Variants in WDR64 observed in about 807,000 individuals in gnomAD.
The protein encoded by WDR64 is WD repeat-containing protein 64.
Under a neutral mutation model 139.3 loss-of-function variants are expected in WDR64, and 112 were observed. The observed-to-expected ratio is 0.80, with a 90% CI of 0.69 to 0.94. The LOEUF (loss-of-function observed/expected upper bound fraction) is 0.94. Among genes scored for constraint, WDR64 ranks in the 40% least tolerant of loss-of-function variants. The pLI is 0.00. For synonymous variants in WDR64, 444 were observed against 437.7 expected (o/e 1.01, Z -0.18); for missense variants, 1,206 against 1,293.1 (o/e 0.93, Z 1.03).
At chr1:241,702,952 T>C in intron 8 of WDR64, among the ~76,000 whole-genome samples, 1 of 152,144 alleles carries the variant, frequency 6.6e-6, no homozygotes, top group Non-Finnish European at 1.5e-5. Context: ...ATTTTGCCAA[T>C]GTCTGATGTA....
chr1:241,788,822 G>A (rs906782702), intron 24 of WDR64, among the ~76,000 whole-genome samples: 2 of 152,172 alleles, frequency 1.3e-5, no homozygotes, highest in Non-Finnish European at 2.9e-5. Flanking sequence ...AAGGAGCACT[G>A]GAGAAGAGGC....
At chr1:241,757,576 C>T (rs990925875) in intron 15 of WDR64, 117 bp downstream of exon 15, 15 of 916,112 alleles carry the variant, frequency 1.6e-5, no homozygotes, top group East Asian at 6.0e-5. Flanking sequence ...CACTCAGCTT[C>T]GAGAACTTTC....
At chr1:241,696,140 A>AAAAAAAAAAAAC (rs1391307114) in intron 8 of WDR64, among the ~76,000 whole-genome samples, 1 of 149,648 alleles carries the variant, frequency 6.7e-6, no homozygotes, top group African/African-American at 2.5e-5. Context: ...AAAAAAAAAA[A>AAAAAAAAAAAAC]AGCATTAGTC....
chr1:241,766,107 T>C, intron 15 of WDR64, 111 bp from the exon 16 acceptor site: 2 of 996,270 alleles, frequency 2.0e-6, no homozygotes, highest in South Asian at 2.7e-5. Flanking sequence ...AAAATATATA[T>C]AATAAGGCAT....
chr1:241,769,371 T>C (rs1444053294), intron 16 of WDR64, 33 bp from the exon 17 acceptor site: 4 of 1,527,020 alleles, frequency 2.6e-6, no homozygotes, highest in Middle Eastern at 1.7e-4. Flanking sequence ...AATTTGTGAA[T>C]TTTTTCTCAT....
intron 8 of WDR64, 46 bp downstream of exon 8, chr1:241,687,641 CT>C (rs1667060418): frequency 6.5e-7 from 1 of 1,541,084 alleles, no homozygotes; most frequent in African/African-American, 1.4e-5. Flanking sequence ...GAATTTCAAG[CT>C]TTTTACAATG....
chr1:241,801,467 A>T lies in WDR64; in HGVS notation c.*252A>T. On this transcript the variant is annotated 3_prime_UTR_variant, in exon 28 of 28. Coordinates refer to ENST00000437684, the MANE Select transcript of WDR64 (RefSeq NM_001367482.1). ...TGTCAGCAAACTGACACATAAGAAA[A>T]CAAATGAAATCAACAGCATTAGTAG... is the stretch of plus-strand genomic sequence containing the variant. 2.1e-6 allele frequency: 1 copy of T among 481,662 alleles called. No homozygotes were observed. 29.8% of individuals were successfully genotyped at this position (481,662 alleles called of 1,614,324 possible).
chr1:241,790,443 A>C (rs1241512637), intron 24 of WDR64, 148 bp from the exon 25 acceptor site: 4 of 603,258 alleles, frequency 6.6e-6, no homozygotes, highest in Admixed American at 6.4e-5. Flanking sequence ...AACTGGTATA[A>C]GAGTTGAGTG....
chr1:241,666,969 C>A (rs1165201978), intron 2 of WDR64, among the ~76,000 whole-genome samples: 1 of 152,210 alleles, frequency 6.6e-6, no homozygotes, highest in Non-Finnish European at 1.5e-5. Flanking sequence ...GCACTGAATA[C>A]TTCCTTGCAT....
At chr1:241,709,745 C>T (rs970658286) in intron 8 of WDR64, among the ~76,000 whole-genome samples, 1 of 152,160 alleles carries the variant, frequency 6.6e-6, no homozygotes, top group African/African-American at 2.4e-5. Flanking sequence ...TATAAATACA[C>T]ATACCTTTTG....
chr1:241,769,481 T>C lies in WDR64; in HGVS notation c.2159T>C (p.Leu720Pro). 1 of 1,551,530 alleles carries C rather than the reference T, an allele frequency of 6.4e-7. No individual in the cohort carries two copies. Among genetic ancestry groups the C allele is most frequent in the Non-Finnish European group, 8.7e-7 (1 of 1,146,960 alleles). ...TTTAAAATTAATGACATACTGTTCC[T>C]CTTTCGTACCCCTGAATGTGCAAGG... ...KHFKINDILF[L>P]FRTPECARRS... The change falls in exon 17 of 28, where the codon CTC becomes CCC. Residue 720 changes from leucine to proline, a missense_variant. Transcript: ENST00000437684.
At chr1:241,771,749 A>C (rs1421461652) in intron 19 of WDR64, 52 bp downstream of exon 19, 8 of 1,243,652 alleles carry the variant, frequency 6.4e-6, no homozygotes, top group Non-Finnish European at 8.4e-6. Flanking sequence ...CCTTTGCAAG[A>C]GGGCATTTAG....
In WDR64 at chr1:241,696,113, C is replaced by CAAAAAAAAAAAAAAAAAAA. The variant is rs541301982; in HGVS notation, c.974+8528_974+8546dup. Among the ~76,000 whole-genome samples the CAAAAAAAAAAAAAAAAAAA allele has an allele frequency of 1.7e-3, 39 of 22,322 alleles. 9 individuals carry two copies. The highest frequency in any genetic ancestry group is 7.9e-3 in the East Asian group (4 of 504). The allele number at this position is 22,322 out of a possible 152,430, so 14.6% of individuals were successfully genotyped here. ...TGTGGAATGGAATGAGACCCAGTATCAAAAAAAAAAAAAAAAAAAAAAAAA... is the reference window on the plus strand; with the variant it reads ...TGTGGAATGGAATGAGACCCAGTATCAAAAAAAAAAAAAAAAAAAAAAAAAAAAAAAAAAAAAAAAAAAA... On this transcript the variant is annotated intron_variant, in intron 8 of 27. Coordinates refer to ENST00000437684, the MANE Select transcript of WDR64 (RefSeq NM_001367482.1).
At chr1:241,731,203 T>C (rs991981703) in intron 10 of WDR64, among the ~76,000 whole-genome samples, 4 of 152,062 alleles carry the variant, frequency 2.6e-5, no homozygotes, top group Non-Finnish European at 5.9e-5. Flanking sequence ...CAGAATACTA[T>C]TCAGCCATTA....
intron 8 of WDR64, among the ~76,000 whole-genome samples, chr1:241,692,748 A>G (rs950500960): frequency 1.3e-5 from 2 of 152,226 alleles, no homozygotes; most frequent in African/African-American, 2.4e-5. Context: ...CAACAACCCA[A>G]TTGAAAAATA....
chr1:241,784,953 G>GAAAAAAAAAAAACAAAAAA (rs1658983713), intron 23 of WDR64, among the ~76,000 whole-genome samples: 1 of 62,250 alleles, frequency 1.6e-5, no homozygotes, highest in Non-Finnish European at 3.1e-5. Context: ...GACTCTGTCT[G>GAAAAAAAAAAAACAAAAAA]AAAAAAAAAA....
chr1:241,679,956 A>AT (rs1346586200), intron 6 of WDR64, among the ~76,000 whole-genome samples: 7 of 152,258 alleles, frequency 4.6e-5, no homozygotes, highest in African/African-American at 1.7e-4. Flanking sequence ...AAAATTACTA[A>AT]AATCAAATGT....
At chr1:241,786,482 G>T (rs577414320) in intron 23 of WDR64, among the ~76,000 whole-genome samples, 2 of 152,328 alleles carry the variant, frequency 1.3e-5, no homozygotes, top group South Asian at 4.1e-4. Flanking sequence ...AACCACATGG[G>T]CTATTTAGAG....
intron 9 of WDR64, among the ~76,000 whole-genome samples, chr1:241,721,866 T>G (rs929649029): frequency 2.6e-5 from 4 of 152,118 alleles, no homozygotes; most frequent in African/African-American, 9.7e-5. Flanking sequence ...TGTGAATGGG[T>G]CAGACACAAT....
Sources: gnomAD v4.1 joint callset for allele counts (sites outside exome capture counted in the v4.1 genomes callset) on GRCh38, gnomAD v4.1.1 for gene constraint, MANE v1.5 for transcripts, NCBI Gene and HGNC (gene_info 2026-07-23, HGNC 2026-07-21) for gene names.